MCU: variants seen among roughly 807,000 people sequenced by gnomAD.
The protein encoded by MCU is calcium uniporter protein, mitochondrial.
A neutral mutation model predicts 45.2 loss-of-function variants in MCU; 12 were observed. The ratio of observed to expected loss-of-function variants is 0.27; its 90% CI spans 0.17 to 0.43. The LOEUF (loss-of-function observed/expected upper bound fraction) is 0.43. Among genes scored for constraint, MCU ranks in the 20% least tolerant of loss-of-function variants. The pLI is 1.00. For missense variants in MCU, 324 were observed against 436.7 expected, an observed-to-expected ratio of 0.74 and a Z score of 2.30; for synonymous variants, 160 against 165.1, an observed-to-expected ratio of 0.97 and a Z score of 0.24.
At chr10:72,826,849 A>G (rs1488203660) in intron 1 of MCU, among the ~76,000 whole-genome samples, 1 of 151,964 alleles carries the variant, frequency 6.6e-6, no homozygotes, top group East Asian at 1.9e-4. Flanking sequence ...ACCATCCTAC[A>G]CTCTCCCACT....
chr10:72,881,630 A>T (rs1186948043), intron 6 of MCU, among the ~76,000 whole-genome samples: 1 of 152,250 alleles, frequency 6.6e-6, no homozygotes, highest in Non-Finnish European at 1.5e-5. Context: ...CCTACAAAGG[A>T]TCTATATCCA....
intron 1 of MCU, among the ~76,000 whole-genome samples, chr10:72,820,758 C>T (rs1474784321): frequency 6.6e-6 from 1 of 152,178 alleles, no homozygotes; most frequent in Non-Finnish European, 1.5e-5. Context: ...GTTATCCACC[C>T]ACCTCAGCTT....
chr10:72,742,533 T>G (rs564735168), intron 1 of MCU, among the ~76,000 whole-genome samples: 2 of 152,210 alleles, frequency 1.3e-5, no homozygotes, highest in African/African-American at 4.8e-5. Flanking sequence ...ATGATTCTTA[T>G]AACCATCGTT....
At chr10:72,847,116 C>A (rs939853209) in intron 2 of MCU, among the ~76,000 whole-genome samples, 8 of 152,118 alleles carry the variant, frequency 5.3e-5, no homozygotes, top group African/African-American at 1.9e-4. Context: ...GGACTACAGG[C>A]ACACGCCACC....
chr10:72,728,525 C>T (rs367899283), intron 1 of MCU, among the ~76,000 whole-genome samples: 5 of 152,178 alleles, frequency 3.3e-5, no homozygotes, highest in South Asian at 2.1e-4. Flanking sequence ...TGTAAAGATA[C>T]GAGTGAAGAG....
At chr10:72,695,362 C>T (rs966128061) in intron 1 of MCU, among the ~76,000 whole-genome samples, 4 of 152,214 alleles carry the variant, frequency 2.6e-5, no homozygotes, top group Admixed American at 2.6e-4. Flanking sequence ...CACTGCCTGA[C>T]ACAGAGGCAG....
rs1386112204 is a variant in MCU at position 72,692,195 on chromosome 10, C to T, written c.44C>T (p.Ser15Phe). 3.2e-6 allele frequency: 4 copies of T among 1,266,718 alleles called. No individual in the cohort carries two copies. Among genetic ancestry groups the T allele is most frequent in the Non-Finnish European group, 4.0e-6 (4 of 999,092 alleles). The allele number at this position is 1,266,718 out of a possible 1,614,324, so 78.5% of individuals were successfully genotyped here. A position where few individuals can be genotyped will look rare whatever the true frequency, so the allele number is the denominator to read the frequency against. ...AGRSLLLLLS[S>F]RGGGGGGAGG... ...AGATCGCTCCTGCTGCTCCTCTCCTCTCGGGGCGGCGGCGGCGGGGGCGCC... is the reference window on the plus strand; with the variant it reads ...AGATCGCTCCTGCTGCTCCTCTCCTTTCGGGGCGGCGGCGGCGGGGGCGCC... The change falls in exon 1 of 8, where the codon TCT (serine) becomes TTT (phenylalanine). Residue 15 changes from serine (S) to phenylalanine (F), a missense_variant. Around this residue, in one of 4 missense-constraint regions of MCU, gnomAD observed 111 missense variants for 112.3 expected, o/e 0.99. Transcript: ENST00000373053.
chr10:72,728,413 C>G (rs1843127835), intron 1 of MCU, among the ~76,000 whole-genome samples: 1 of 152,100 alleles, frequency 6.6e-6, no homozygotes, highest in Non-Finnish European at 1.5e-5. Context: ...AAATTTGATA[C>G]AGTGGAGTGA....
chr10:72,815,324 A>G (rs769750453), intron 1 of MCU, among the ~76,000 whole-genome samples: 6 of 152,186 alleles, frequency 3.9e-5, no homozygotes, highest in Non-Finnish European at 8.8e-5. Flanking sequence ...AAAAATAACA[A>G]ATGGAACTGA....
chr10:72,726,794 C>T (rs917151273), intron 1 of MCU, among the ~76,000 whole-genome samples: 1 of 152,074 alleles, frequency 6.6e-6, no homozygotes, highest in African/African-American at 2.4e-5. Flanking sequence ...TCCAAGGTCC[C>T]TTCTGGTTCA....
At chr10:72,872,315 A>G (rs1469354883) in intron 6 of MCU, among the ~76,000 whole-genome samples, 1 of 152,090 alleles carries the variant, frequency 6.6e-6, no homozygotes, top group Non-Finnish European at 1.5e-5. Context: ...TATCCAATAA[A>G]TTGTTGTTAA....
rs1231220286 is a variant in MCU, at chr10:72,693,191, T to TGA, written c.150+891_150+892insAG. On this transcript the variant is annotated intron_variant, in intron 1 of 7. Transcript: ENST00000373053. ...TTGGGTGAGTGTGTGTGTGTGTGTGTGTGTGTGTGAGAGAGAGAGAGACAG... is the reference window on the plus strand; with the variant it reads ...TTGGGTGAGTGTGTGTGTGTGTGTGTGAGTGTGTGTGAGAGAGAGAGAGACAG... The TGA allele has an allele frequency of 3.2e-6, 3 of 931,488 alleles. No individual in the cohort carries two copies. In the African/African-American group the frequency reaches 5.0e-5, roughly 15 times the overall value. The allele number at this position is 931,488 out of a possible 1,614,324, so 57.7% of individuals were successfully genotyped here.
At chr10:72,710,612 T>A (rs1288207050) in intron 1 of MCU, among the ~76,000 whole-genome samples, 1 of 150,540 alleles carries the variant, frequency 6.6e-6, no homozygotes, top group Non-Finnish European at 1.5e-5. Flanking sequence ...TTACATTATG[T>A]TCAATCAGAC....
chr10:72,768,707 A>G (rs1843763210), intron 1 of MCU, among the ~76,000 whole-genome samples: 1 of 152,232 alleles, frequency 6.6e-6, no homozygotes, highest in African/African-American at 2.4e-5. Flanking sequence ...AAGAAAAATT[A>G]CAGTTAAGAT....
chr10:72,724,299 A>C (rs1322562307), intron 1 of MCU, among the ~76,000 whole-genome samples: 1 of 152,216 alleles, frequency 6.6e-6, no homozygotes, highest in African/African-American at 2.4e-5. Context: ...TGGTGAAAAA[A>C]TGGTATCTCA....
intron 6 of MCU, among the ~76,000 whole-genome samples, chr10:72,881,573 ATGAAG>A (rs957732552): frequency 2.2e-4 from 34 of 152,206 alleles, no homozygotes; most frequent in African/African-American, 8.0e-4. Flanking sequence ...TATTAACACC[ATGAAG>A]AGGGTAAATA....
intron 5 of MCU, 131 bp downstream of exon 5, chr10:72,868,994 T>C: frequency 4.3e-6 from 4 of 939,190 alleles, no homozygotes; most frequent in Non-Finnish European, 6.2e-6. Context: ...TTTATGGGAC[T>C]GAACCATAAA....
intron 1 of MCU, among the ~76,000 whole-genome samples, chr10:72,742,463 A>C (rs2132698980): frequency 6.6e-6 from 1 of 152,258 alleles, no homozygotes; most frequent in South Asian, 2.1e-4. Context: ...GGTTCTCTGC[A>C]TTTTTATGTA....
rs141344759 is a variant in MCU at position 72,788,299 on chromosome 10, C to T, written c.151-46060C>T. Reference sequence around the variant, plus strand: ...AAATGATGGGATTGTAGTGAAAACACAAACACATAGGTAGTAGGCTGGCAT... The same window carrying T: ...AAATGATGGGATTGTAGTGAAAACATAAACACATAGGTAGTAGGCTGGCAT... On this transcript the variant is annotated intron_variant, in intron 1 of 7. Transcript: ENST00000373053. Among the ~76,000 whole-genome samples the T allele has an allele frequency of 3.2e-3, 485 of 152,212 alleles. 1 individual carries two copies. The highest frequency in any genetic ancestry group is 0.011 in the African/African-American group (464 of 41,550).
Sources: gnomAD v4.1 joint callset for allele counts (sites outside exome capture counted in the v4.1 genomes callset) on GRCh38, gnomAD v4.1.1 for gene constraint, gnomAD v4.1.1 regional missense constraint, MANE v1.5 for transcripts, NCBI Gene and HGNC (gene_info 2026-07-23, HGNC 2026-07-21) for gene names.